Variants in SCN8A observed in about 807,000 individuals in gnomAD.
The protein encoded by SCN8A is sodium channel protein type 8 subunit alpha.
Under a neutral mutation model 184.1 loss-of-function variants are expected in SCN8A, and 30 were observed. The observed-to-expected ratio is 0.16, with a 90% CI of 0.12 to 0.22. The LOEUF (loss-of-function observed/expected upper bound fraction) is 0.22. Ranked by LOEUF, SCN8A falls within the 10% of genes least tolerant of loss-of-function variation. The pLI is 1.00. For synonymous variants in SCN8A, 852 were observed against 907.0 expected (o/e 0.94, Z 1.09); for missense variants, 1,057 against 2,498.9 (o/e 0.42, Z 12.30).
Position 51,705,631 on chromosome 12 carries a change from A to G in SCN8A, c.1341+8A>G. ...CAACAGGAAGAGGCACAGGTTGGTG[A>G]TGAATTCTTTGCAATAGACCTTCCT... On this transcript the variant is annotated splice_region_variant and intron_variant, in intron 10 of 26. Transcript: ENST00000627620. 1 of 1,610,142 alleles carries G rather than the reference A, an allele frequency of 6.2e-7. No homozygotes were observed. Among genetic ancestry groups the G allele is most frequent in the South Asian group, 1.1e-5 (1 of 90,174 alleles).
intron 26 of SCN8A, among the ~76,000 whole-genome samples, chr12:51,802,940 AAAG>A (rs2138935750): frequency 6.6e-6 from 1 of 152,320 alleles, no homozygotes; most frequent in Non-Finnish European, 1.5e-5. Flanking sequence ...AAAACCAACT[AAAG>A]AAATCTATTC....
intron 13 of SCN8A, among the ~76,000 whole-genome samples, chr12:51,747,746 A>G (rs2138832191): frequency 6.6e-6 from 1 of 152,142 alleles, no homozygotes. Context: ...CCCTTTACTG[A>G]GTTGGATACA....
intron 11 of SCN8A, among the ~76,000 whole-genome samples, chr12:51,711,726 T>G (rs1592397504): frequency 6.6e-6 from 1 of 151,560 alleles, no homozygotes; most frequent in African/African-American, 2.4e-5. Context: ...TTTTTTTTTT[T>G]TAGAAATTTT....
At chr12:51,762,387 GAATTTAACT>G in intron 14 of SCN8A, 107 bp from the exon 15 acceptor site, 1 of 982,206 alleles carries the variant, frequency 1.0e-6, no homozygotes, top group Non-Finnish European at 1.5e-6. Context: ...TTCAGATGCA[GAATTTAACT>G]AAGGTTAACT....
At position 51,765,824 on chromosome 12, in the gene SCN8A, A is replaced by G; in HGVS notation, c.2698A>G (p.Ser900Gly). 1 of 1,614,014 alleles carries G rather than the reference A, an allele frequency of 6.2e-7. No individual in the cohort carries two copies. The highest frequency in any genetic ancestry group is 8.5e-7 in the Non-Finnish European group (1 of 1,179,984). Residue 900 changes from serine to glycine, a missense_variant, in exon 16 of 27, where the codon AGC becomes GGC. Physicochemically the swap from Ser to Gly is moderately conservative, Grantham distance 56. This residue lies in a region of SCN8A where 66 missense variants were observed against 310.6 expected (regional missense o/e 0.21). Coordinates refer to ENST00000627620, the MANE Select transcript of SCN8A (RefSeq NM_001330260.2). Reference sequence around the variant, plus strand: ...GGTGGGGATGCAACTCTTTGGAAAAAGCTACAAAGAGTGTGTCTGCAAGAT... The same window carrying G: ...GGTGGGGATGCAACTCTTTGGAAAAGGCTACAAAGAGTGTGTCTGCAAGAT... ...AVVGMQLFGK[S>G]YKECVCKINQ... is the part of the protein sequence containing the mutation.
chr12:51,772,301 A>G (rs1456684784), intron 19 of SCN8A, among the ~76,000 whole-genome samples: 1 of 151,572 alleles, frequency 6.6e-6, no homozygotes, highest in Non-Finnish European at 1.5e-5. Context: ...AGGCTGAGGC[A>G]GGAGAATTGC....
chr12:51,657,905 T>C (rs1940854015), intron 1 of SCN8A, among the ~76,000 whole-genome samples: 3 of 152,150 alleles, frequency 2.0e-5, no homozygotes, highest in Admixed American at 1.3e-4. Flanking sequence ...CTTGGTGCCT[T>C]TGTCAAAATT....
chr12:51,711,805 C>T (rs1941882307), intron 11 of SCN8A, among the ~76,000 whole-genome samples: 1 of 150,976 alleles, frequency 6.6e-6, no homozygotes, highest in Non-Finnish European at 1.5e-5. Context: ...AATATTCAAT[C>T]CTATTTATCT....
At chr12:51,677,949 C>A (rs897776523) in intron 2 of SCN8A, among the ~76,000 whole-genome samples, 2 of 152,176 alleles carry the variant, frequency 1.3e-5, no homozygotes, top group Non-Finnish European at 2.9e-5. Context: ...TCATGGGCAC[C>A]AAGTGATTGT....
At chr12:51,745,830 T>C (rs1942500972) in intron 12 of SCN8A, 73 bp from the exon 13 acceptor site, 7 of 1,286,534 alleles carry the variant, frequency 5.4e-6, no homozygotes, top group Non-Finnish European at 7.3e-6. Context: ...CTGGACTGTG[T>C]ATCAAGTAAG....
At chr12:51,691,900 C>T (rs1941515878) in intron 6 of SCN8A, among the ~76,000 whole-genome samples, 1 of 152,198 alleles carries the variant, frequency 6.6e-6, no homozygotes, top group African/African-American at 2.4e-5. Context: ...CCATAGAGGG[C>T]TGTTGTGCTA....
intron 14 of SCN8A, among the ~76,000 whole-genome samples, chr12:51,751,946 A>T (rs997972302): frequency 6.6e-6 from 1 of 152,130 alleles, no homozygotes; most frequent in Non-Finnish European, 1.5e-5. Flanking sequence ...TGCTCCAGCA[A>T]ATCAGTTCCC....
chr12:51,662,784 A>G lies in SCN8A; in HGVS notation c.-34A>G, dbSNP rs763026909. ...TCCAGAGCTGACCTGTCCTGGACGC[A>G]GCATAACTAACGAAGCTGCTGCAGG... is the stretch of plus-strand genomic sequence containing the variant. On this transcript the variant is annotated 5_prime_UTR_variant, in exon 2 of 27. Coordinates refer to ENST00000627620, the MANE Select transcript of SCN8A (RefSeq NM_001330260.2). The G allele has an allele frequency of 6.0e-5, 97 of 1,608,780 alleles. No individual in the cohort carries two copies. The highest frequency in any genetic ancestry group is 8.2e-5 in the Non-Finnish European group (96 of 1,177,546).
chr12:51,691,403 T>C (rs183200912), intron 6 of SCN8A, among the ~76,000 whole-genome samples: 21 of 152,278 alleles, frequency 1.4e-4, no homozygotes, highest in East Asian at 9.6e-4. Context: ...TTATTCTTTG[T>C]ATATATCCTT....
intron 19 of SCN8A, 74 bp downstream of exon 19, chr12:51,770,757 G>A (rs1942914092): frequency 6.6e-7 from 1 of 1,504,794 alleles, no homozygotes; most frequent in Non-Finnish European, 9.2e-7. Flanking sequence ...AAAAGGCTGA[G>A]GCCAAAGCCC....
rs142298779 is a variant in SCN8A, at chr12:51,643,723, C to T, written c.-54-19041C>T. 5.5e-3 allele frequency among the ~76,000 whole-genome samples: 834 copies of T among 152,250 alleles called. 10 individuals carry two copies. The highest frequency in any genetic ancestry group is 0.019 in the African/African-American group (780 of 41,542). On this transcript the variant is annotated intron_variant, in intron 1 of 26. Coordinates refer to ENST00000627620, the MANE Select transcript of SCN8A (RefSeq NM_001330260.2). ...TTGTCTATATTATATATTGACATTT[C>T]GTGTAAGATATGATTTGAAAAAGAC...
chr12:51,716,544 A>G (rs564579749), intron 11 of SCN8A, among the ~76,000 whole-genome samples: 2 of 152,270 alleles, frequency 1.3e-5, no homozygotes, highest in South Asian at 4.1e-4. Flanking sequence ...GGGTGGCTGC[A>G]TGGTAGGGTG....
chr12:51,757,535 T>C (rs1942695384), intron 14 of SCN8A, among the ~76,000 whole-genome samples: 1 of 152,158 alleles, frequency 6.6e-6, no homozygotes, highest in South Asian at 2.1e-4. Flanking sequence ...CCAGACCCCA[T>C]AGTGACGCCA....
intron 1 of SCN8A, among the ~76,000 whole-genome samples, chr12:51,651,289 C>T (rs1167758886): frequency 6.6e-6 from 1 of 152,224 alleles, no homozygotes; most frequent in East Asian, 1.9e-4. Flanking sequence ...CTGCAACCTC[C>T]ACCTGCTGGG....
Sources: allele counts gnomAD v4.1 joint callset (sites outside exome capture counted in the v4.1 genomes callset), GRCh38; gene constraint gnomAD v4.1.1; regional missense constraint gnomAD v4.1.1; transcripts MANE v1.5; gene names NCBI Gene and HGNC (gene_info 2026-07-23, HGNC 2026-07-21).